IMMP2L: variants seen among roughly 807,000 people sequenced by gnomAD.
IMMP2L encodes the protein mitochondrial inner membrane protease subunit 2.
In IMMP2L, 18 loss-of-function variants were observed where a neutral mutation model predicts 19.3. That is an observed-to-expected ratio of 0.93 (90% CI 0.64 to 1.38). The LOEUF (loss-of-function observed/expected upper bound fraction) is 1.38, where lower values mean the gene tolerates loss of function less well. Ranked by LOEUF, IMMP2L falls within the 40% of genes most tolerant of loss-of-function variation. IMMP2L has a pLI of 0.00. For missense variants in IMMP2L, 233 were observed against 218.2 expected (o/e 1.07, Z -0.43); for synonymous variants, 76 against 73.0 (o/e 1.04, Z -0.21).
intron 3 of IMMP2L, among the ~76,000 whole-genome samples, chr7:111,437,091 A>C (rs1324077026): frequency 6.6e-6 from 1 of 151,836 alleles, no homozygotes; most frequent in Non-Finnish European, 1.5e-5. Context: ...ACAAACATCC[A>C]AACTGTATAT....
chr7:111,075,764 T>A (rs1318444594), intron 3 of IMMP2L, among the ~76,000 whole-genome samples: 1 of 152,162 alleles, frequency 6.6e-6, no homozygotes, highest in African/African-American at 2.4e-5. Context: ...AAGATAGACA[T>A]GCTGATGACT....
chr7:110,939,409 G>A (rs1816485227), intron 4 of IMMP2L, among the ~76,000 whole-genome samples: 1 of 132,704 alleles, frequency 7.5e-6, no homozygotes, highest in Non-Finnish European at 1.7e-5. Flanking sequence ...AAAAAAATCA[G>A]TTGTTTCTAA....
At chr7:110,982,615 A>C (rs1271937906) in intron 3 of IMMP2L, among the ~76,000 whole-genome samples, 1 of 152,104 alleles carries the variant, frequency 6.6e-6, no homozygotes, top group Non-Finnish European at 1.5e-5. Context: ...GGGTTCATGA[A>C]CTATCTAAAA....
chr7:111,321,095 A>G (rs1824651881), intron 3 of IMMP2L, among the ~76,000 whole-genome samples: 1 of 152,026 alleles, frequency 6.6e-6, no homozygotes, highest in African/African-American at 2.4e-5. Flanking sequence ...AAAAATAAAT[A>G]AATAACAGCT....
chr7:111,266,367 A>G (rs1225364385), intron 3 of IMMP2L, among the ~76,000 whole-genome samples: 1 of 151,784 alleles, frequency 6.6e-6, no homozygotes, highest in African/African-American at 2.4e-5. Context: ...ACATGGTGAA[A>G]CCCTGTCCCT....
chr7:110,964,651 T>A (rs1819344959), intron 3 of IMMP2L, among the ~76,000 whole-genome samples: 1 of 152,072 alleles, frequency 6.6e-6, no homozygotes, highest in South Asian at 2.1e-4. Flanking sequence ...CTTTCCAGAC[T>A]GTGATAGGAT....
At chr7:111,420,504 C>T (rs1835389891) in intron 3 of IMMP2L, among the ~76,000 whole-genome samples, 2 of 151,766 alleles carry the variant, frequency 1.3e-5, no homozygotes, top group Middle Eastern at 3.4e-3. Flanking sequence ...TTTGCTGCAT[C>T]CATCAACTCA....
intron 5 of IMMP2L, among the ~76,000 whole-genome samples, chr7:110,697,165 T>C (rs1192264981): frequency 6.6e-6 from 1 of 152,188 alleles, no homozygotes; most frequent in Non-Finnish European, 1.5e-5. Context: ...GGAAGCGTTT[T>C]GACATGGCAT....
intron 3 of IMMP2L, among the ~76,000 whole-genome samples, chr7:111,087,188 G>A (rs905131719): frequency 1.3e-5 from 2 of 152,124 alleles, no homozygotes; most frequent in South Asian, 2.1e-4. Context: ...GGTGGCTCAC[G>A]CCTGTAATCT....
intron 3 of IMMP2L, among the ~76,000 whole-genome samples, chr7:111,440,235 T>C (rs550135046): frequency 7.2e-5 from 11 of 151,992 alleles, no homozygotes; most frequent in Admixed American, 6.5e-4. Flanking sequence ...GCATCTAGAA[T>C]GGTGAATCCT....
At chr7:111,243,562 T>A (rs1248140661) in intron 3 of IMMP2L, among the ~76,000 whole-genome samples, 1 of 143,998 alleles carries the variant, frequency 6.9e-6, no homozygotes, top group African/African-American at 2.6e-5. Flanking sequence ...CATGTGCACA[T>A]TGTGCAGGTT....
At chr7:111,173,894 A>C (rs556235706) in intron 3 of IMMP2L, among the ~76,000 whole-genome samples, 18 of 151,730 alleles carry the variant, frequency 1.2e-4, no homozygotes, top group Non-Finnish European at 2.1e-4. Flanking sequence ...TTCTGTTCTA[A>C]AATTTCAAAC....
intron 3 of IMMP2L, among the ~76,000 whole-genome samples, chr7:111,193,714 TAGG>T (rs1809156685): frequency 6.6e-6 from 1 of 152,134 alleles, no homozygotes; most frequent in South Asian, 2.1e-4. Flanking sequence ...AAAAGATCAA[TAGG>T]AGATCTTCCA....
chr7:110,871,018 G>A (rs1172482357), intron 5 of IMMP2L, among the ~76,000 whole-genome samples: 1 of 152,032 alleles, frequency 6.6e-6, no homozygotes, highest in Non-Finnish European at 1.5e-5. Flanking sequence ...AGTAGAGATG[G>A]AATAAAGCAC....
chr7:111,202,002 C>T (rs963222241), intron 3 of IMMP2L, among the ~76,000 whole-genome samples: 1 of 152,042 alleles, frequency 6.6e-6, no homozygotes, highest in Admixed American at 6.5e-5. Context: ...TTAAAGCAGC[C>T]CAAATAGATA....
rs764765199 is a variant in IMMP2L at position 110,882,326 on chromosome 7, TTCC to T, written c.408+4264_408+4266del. On this transcript the variant is annotated intron_variant, in intron 5 of 5. Transcript: ENST00000405709. ...CTTCCTTCCTTCCTTCCTTCCTTCC[TTCC>T]TTCCTTCCTTCCCTCCTTCCTCTCT... Among the ~76,000 whole-genome samples, 962 of 105,752 alleles carry T rather than the reference TTCC, an allele frequency of 9.1e-3. 20 individuals are homozygous for T. Among genetic ancestry groups the T allele is most frequent in the South Asian group, 0.077 (188 of 2,430 alleles). 69.4% of individuals were successfully genotyped at this position (105,752 alleles called of 152,430 possible). A position where few individuals can be genotyped will look rare whatever the true frequency, so the allele number is the denominator to read the frequency against.
intron 5 of IMMP2L, among the ~76,000 whole-genome samples, chr7:110,686,642 A>T (rs1793134742): frequency 6.6e-6 from 1 of 152,008 alleles, no homozygotes; most frequent in Admixed American, 6.6e-5. Context: ...AGCCATAATT[A>T]GAGTTCTGTC....
intron 5 of IMMP2L, among the ~76,000 whole-genome samples, chr7:110,884,043 T>C (rs895915249): frequency 6.6e-6 from 1 of 152,038 alleles, no homozygotes; most frequent in African/African-American, 2.4e-5. Context: ...GAAGAGTCAA[T>C]TGAAGAGTCT....
intron 4 of IMMP2L, among the ~76,000 whole-genome samples, chr7:110,961,689 A>C (rs1033559113): frequency 6.6e-6 from 1 of 151,964 alleles, no homozygotes; most frequent in African/African-American, 2.4e-5. Flanking sequence ...TGAATGGATA[A>C]ACAAAATGTG....
Sources: allele counts gnomAD v4.1 joint callset (sites outside exome capture counted in the v4.1 genomes callset), GRCh38; gene constraint gnomAD v4.1.1; transcripts MANE v1.5; gene names NCBI Gene and HGNC (gene_info 2026-07-23, HGNC 2026-07-21).